Variants in UBQLN1 observed in about 807,000 individuals in gnomAD.
UBQLN1 encodes ubiquilin 1, also known as ubiquilin-1.
UBQLN1 carries 13 observed loss-of-function variants against 65.4 expected under a neutral mutation model. That is an observed-to-expected ratio of 0.20 (90% confidence interval 0.13 to 0.32). The LOEUF (loss-of-function observed/expected upper bound fraction) is 0.32, where lower values mean the gene tolerates loss of function less well. UBQLN1 is among the 10% of genes least tolerant of loss of function. The pLI, the probability that UBQLN1 is intolerant of heterozygous loss-of-function variation, is 1.00. For missense variants in UBQLN1, 561 were observed against 724.0 expected (o/e 0.77, Z 2.58); for synonymous variants, 267 against 247.8 (o/e 1.08, Z -0.73).
At chr9:83,671,830 C>A (rs1831736934) in intron 6 of UBQLN1, among the ~76,000 whole-genome samples, 1 of 152,194 alleles carries the variant, frequency 6.6e-6, no homozygotes, top group Non-Finnish European at 1.5e-5. Context: ...AGAACTGAAG[C>A]TAAGAATTCA....
chr9:83,692,897 G>C (rs563482233), intron 1 of UBQLN1, among the ~76,000 whole-genome samples: 8 of 152,006 alleles, frequency 5.3e-5, no homozygotes, highest in African/African-American at 1.9e-4. Context: ...TTTCATCTAG[G>C]GAATAGCCAG....
Position 83,661,826 on chromosome 9 carries a change from A to G in UBQLN1, c.1731T>C (p.Asn577=), listed in dbSNP as rs1033635010. 1.9e-6 allele frequency: 3 copies of G among 1,613,776 alleles called. No homozygotes were observed. The highest frequency in any genetic ancestry group is 3.3e-5 in the Admixed American group (2 of 60,002). ...QALIATGGDI[N]AAIERLLGSQ... ...AGCCCAGTAACCTTTCAATAGCTGC[A>G]TTGATATCACCTCCTGTTGCTATTA... Residue 577 remains asparagine (N), a synonymous_variant, in exon 11 of 11, where the codon AAT becomes AAC. Transcript: ENST00000376395.
chr9:83,691,679 GAAACC>G (rs1293961008), intron 1 of UBQLN1, among the ~76,000 whole-genome samples: 2 of 152,250 alleles, frequency 1.3e-5, no homozygotes, highest in Admixed American at 6.5e-5. Context: ...AAAACCTCAA[GAAACC>G]AAACCAAAGT....
At chr9:83,668,296 CCATT>C in intron 7 of UBQLN1, 3 of 984,352 alleles carry the variant, frequency 3.0e-6, no homozygotes, top group Non-Finnish European at 3.6e-6. Flanking sequence ...AAAATAAAAA[CCATT>C]CATTTGACTT....
At position 83,678,478 on chromosome 9, in the gene UBQLN1, T is replaced by A; in HGVS notation, c.833A>T (p.Asp278Val). The part of the protein sequence containing the change: ...GYNALRRMYT[D>V]IQEPMLSAAQ... The stretch of plus-strand genomic sequence containing the variant: ...AGCACTCAGCATTGGTTCCTGAATA[T>A]CTGTGTACATGCGCCTTAAAGCATT... The change falls in exon 5 of 11, where the codon GAT becomes GTT. Residue 278 changes from aspartate to valine, a missense_variant. By Grantham distance (152) the Asp-to-Val change is radical. Around this residue, in one of 8 missense-constraint regions of UBQLN1, gnomAD observed 75 missense variants for 138.9 expected, o/e 0.54. Coordinates refer to ENST00000376395, the MANE Select transcript of UBQLN1 (RefSeq NM_013438.5). 6.2e-7 allele frequency: 1 copy of A among 1,613,956 alleles called. No individual in the cohort carries two copies. The highest frequency in any genetic ancestry group is 8.5e-7 in the Non-Finnish European group (1 of 1,179,920).
Position 83,707,511 on chromosome 9 carries a change from A to G in UBQLN1, c.169T>C (p.Ser57Pro). 1.9e-6 allele frequency: 3 copies of G among 1,609,814 alleles called. No individual in the cohort carries two copies. Among genetic ancestry groups the G allele is most frequent in the African/African-American group, 1.3e-5 (1 of 74,248 alleles). ...KEEFAVPENS[S>P]VQQFKEEISK... ...CCAGGCGGCCTCACCTGCTGGACGGAGCTATTCTCGGGCACGGCGAATTCC... is the reference window on the plus strand; with the variant it reads ...CCAGGCGGCCTCACCTGCTGGACGGGGCTATTCTCGGGCACGGCGAATTCC... The change falls in exon 1 of 11, where the codon TCC (serine) becomes CCC (proline). Residue 57 changes from serine to proline, a missense_variant. Transcript: ENST00000376395.
intron 6 of UBQLN1, among the ~76,000 whole-genome samples, chr9:83,675,021 A>C (rs1343929230): frequency 6.6e-6 from 1 of 152,214 alleles, no homozygotes; most frequent in East Asian, 1.9e-4. Flanking sequence ...CTTATTCATC[A>C]GTAGGTACTC....
intron 7 of UBQLN1, chr9:83,667,935 T>C (rs953143957): frequency 2.0e-6 from 2 of 984,102 alleles, no homozygotes; most frequent in African/African-American, 3.5e-5. Context: ...AAAAAAATAG[T>C]ATGTGAGTGC....
In UBQLN1 at chr9:83,678,457, C is replaced by A. The variant is rs1831880483; in HGVS notation, c.854G>T (p.Ser285Ile). Residue 285 changes from serine to isoleucine, a missense_variant, in exon 5 of 11, where the codon AGT becomes ATT. By Grantham distance (142) the Ser-to-Ile change is moderately radical. Coordinates refer to ENST00000376395, the MANE Select transcript of UBQLN1 (RefSeq NM_013438.5). ...MYTDIQEPML[S>I]AAQEQFGGNP... ...GTGGATCACCTGCTCTTGTGCAGCACTCAGCATTGGTTCCTGAATATCTGT... is the reference window on the plus strand; with the variant it reads ...GTGGATCACCTGCTCTTGTGCAGCAATCAGCATTGGTTCCTGAATATCTGT... The A allele has an allele frequency of 6.2e-7, 1 of 1,612,740 alleles. No individual in the cohort carries two copies. The highest frequency in any genetic ancestry group is 1.1e-5 in the South Asian group (1 of 90,610).
In UBQLN1 at chr9:83,660,236, T is replaced by C. The variant is rs1224099117; in HGVS notation, c.*1551A>G. On this transcript the variant is annotated 3_prime_UTR_variant, in exon 11 of 11. Transcript: ENST00000376395. ...GTGGGTAACCTGGCCTCTTAACCTT[T>C]TTAATAGCAAGCAACATACAGAAGT... The C allele has an allele frequency of 6.5e-6, 1 of 152,684 alleles. No homozygotes were observed. Among genetic ancestry groups the C allele is most frequent in the Non-Finnish European group, 1.5e-5 (1 of 68,042 alleles). 9.5% of individuals were successfully genotyped at this position (152,684 alleles called of 1,614,324 possible). A position where few individuals can be genotyped will look rare whatever the true frequency, so the allele number is the denominator to read the frequency against.
intron 10 of UBQLN1, among the ~76,000 whole-genome samples, chr9:83,663,077 A>C (rs1460089677): frequency 6.6e-6 from 1 of 151,438 alleles, no homozygotes; most frequent in Non-Finnish European, 1.5e-5. Context: ...AAAGAAAAAA[A>C]AAAAAGGGAA....
chr9:83,702,553 T>C (rs1289810441), intron 1 of UBQLN1, among the ~76,000 whole-genome samples: 1 of 152,220 alleles, frequency 6.6e-6, no homozygotes, highest in Admixed American at 6.5e-5. Flanking sequence ...AAAAAGTTTT[T>C]AATAAAAGGT....
At position 83,707,712 on chromosome 9, in the gene UBQLN1, C is replaced by T; in HGVS notation, c.-33G>A. On this transcript the variant is annotated 5_prime_UTR_variant, in exon 1 of 11. Coordinates refer to ENST00000376395, the MANE Select transcript of UBQLN1 (RefSeq NM_013438.5). ...GCGGCGGCGGCGGCGGTGACTCAGG[C>T]AAGCAGGAGGGAGCAGGCGAGCAAG... 1.3e-6 allele frequency: 2 copies of T among 1,520,998 alleles called. No individual in the cohort carries two copies. Among genetic ancestry groups the T allele is most frequent in the Admixed American group, 2.2e-5 (1 of 45,180 alleles). 94.2% of individuals were successfully genotyped at this position (1,520,998 alleles called of 1,614,324 possible). A position where few individuals can be genotyped will look rare whatever the true frequency, so the allele number is the denominator to read the frequency against.
chr9:83,707,796 C>T lies in UBQLN1; in HGVS notation c.-117G>A. 1 of 1,376,666 alleles carries T rather than the reference C, an allele frequency of 7.3e-7. No individual in the cohort carries two copies. The highest frequency in any genetic ancestry group is 3.2e-5 in the Admixed American group (1 of 31,038). The allele number at this position is 1,376,666 out of a possible 1,614,324, so 85.3% of individuals were successfully genotyped here. On this transcript the variant is annotated 5_prime_UTR_variant, in exon 1 of 11. Coordinates refer to ENST00000376395, the MANE Select transcript of UBQLN1 (RefSeq NM_013438.5). ...GGACAGCGAAGAATGCAGAGCACGC[C>T]GCCTCAGTAGCAACGGGCGCAGGGC...
At chr9:83,687,452 A>G (rs1832058140) in intron 1 of UBQLN1, among the ~76,000 whole-genome samples, 1 of 152,206 alleles carries the variant, frequency 6.6e-6, no homozygotes, top group Non-Finnish European at 1.5e-5. Context: ...CAAATTCAGA[A>G]AAGAATCACA....
intron 1 of UBQLN1, among the ~76,000 whole-genome samples, chr9:83,701,149 C>T (rs180856367): frequency 2.0e-5 from 3 of 152,190 alleles, no homozygotes; most frequent in Admixed American, 2.0e-4. Context: ...TAGGTTATAG[C>T]TGTTGATATT....
intron 1 of UBQLN1, among the ~76,000 whole-genome samples, chr9:83,701,232 TAA>T (rs1466323441): frequency 1.3e-5 from 2 of 152,042 alleles, no homozygotes; most frequent in African/African-American, 4.8e-5. Context: ...TATATATTAA[TAA>T]AAATAACATC....
intron 1 of UBQLN1, among the ~76,000 whole-genome samples, chr9:83,706,242 TA>T (rs1215831143): frequency 2.0e-5 from 3 of 152,242 alleles, no homozygotes; most frequent in Non-Finnish European, 4.4e-5. Context: ...TCCCCAAAAT[TA>T]AATGAACTTG....
chr9:83,680,484 C>T (rs1831922336), intron 3 of UBQLN1, among the ~76,000 whole-genome samples: 1 of 152,050 alleles, frequency 6.6e-6, no homozygotes. Context: ...CTTTCAGCCC[C>T]ACCCACCAAG....
Sources: gnomAD v4.1 joint callset for allele counts (sites outside exome capture counted in the v4.1 genomes callset) on GRCh38, gnomAD v4.1.1 for gene constraint, gnomAD v4.1.1 regional missense constraint, MANE v1.5 for transcripts, NCBI Gene and HGNC (gene_info 2026-07-23, HGNC 2026-07-21) for gene names.